The following PARD3B variants were observed in gnomAD, a reference collection of about 807,000 sequenced individuals.
PARD3B encodes the protein partitioning defective 3 homolog B.
PARD3B carries 103 observed loss-of-function variants against 130.2 expected under a neutral mutation model. That is an observed-to-expected ratio of 0.79 (90% CI 0.67 to 0.93). The LOEUF (loss-of-function observed/expected upper bound fraction) is 0.93, where lower values mean the gene tolerates loss of function less well. PARD3B is among the 40% of genes least tolerant of loss of function. The pLI, the probability that PARD3B is intolerant of heterozygous loss-of-function variation, is 0.00. For synonymous variants in PARD3B, 583 were observed against 553.2 expected (o/e 1.05, Z -0.76); for missense variants, 1,609 against 1,499.2 (o/e 1.07, Z -1.21).
At chr2:205,290,884 A>G (rs2105872350) in intron 16 of PARD3B, among the ~76,000 whole-genome samples, 1 of 152,286 alleles carries the variant, frequency 6.6e-6, no homozygotes, top group African/African-American at 2.4e-5. Flanking sequence ...GAATGTGGCA[A>G]GAAGATGGCC....
intron 2 of PARD3B, among the ~76,000 whole-genome samples, chr2:204,794,901 G>A (rs1319566437): frequency 6.6e-6 from 1 of 152,036 alleles, no homozygotes; most frequent in Non-Finnish European, 1.5e-5. Flanking sequence ...CCTCTCTCTA[G>A]ATAATTTATT....
intron 22 of PARD3B, among the ~76,000 whole-genome samples, chr2:205,615,154 A>G (rs748281792): frequency 1.3e-5 from 2 of 152,186 alleles, no homozygotes; most frequent in Non-Finnish European, 2.9e-5. Flanking sequence ...AGCAATCCTG[A>G]TTGACATGGT....
At chr2:204,705,291 G>A (rs1165976597) in intron 2 of PARD3B, among the ~76,000 whole-genome samples, 1 of 152,126 alleles carries the variant, frequency 6.6e-6, no homozygotes, top group Non-Finnish European at 1.5e-5. Context: ...ATTCTTGTGG[G>A]GAAAGGAGAC....
chr2:205,354,932 T>G (rs1238130784), intron 18 of PARD3B, among the ~76,000 whole-genome samples: 1 of 152,152 alleles, frequency 6.6e-6, no homozygotes, highest in African/African-American at 2.4e-5. Context: ...AGAACATGGT[T>G]AAGAAATGAT....
At chr2:205,361,128 C>T (rs980279649) in intron 18 of PARD3B, among the ~76,000 whole-genome samples, 5 of 152,098 alleles carry the variant, frequency 3.3e-5, no homozygotes, top group African/African-American at 1.2e-4. Flanking sequence ...TTGGAGGAGA[C>T]TAATGCGTAA....
chr2:205,252,127 A>G (rs912150084), intron 16 of PARD3B, among the ~76,000 whole-genome samples: 1 of 152,226 alleles, frequency 6.6e-6, no homozygotes, highest in Admixed American at 6.5e-5. Context: ...AAACAAATAT[A>G]TCAGTCTTTT....
intron 2 of PARD3B, among the ~76,000 whole-genome samples, chr2:204,865,358 G>C (rs1441022588): frequency 6.6e-6 from 1 of 152,156 alleles, no homozygotes; most frequent in African/African-American, 2.4e-5. Flanking sequence ...GGAAAATATG[G>C]AGCCAGTCCA....
chr2:205,077,081 A>G (rs1020763495), intron 4 of PARD3B, among the ~76,000 whole-genome samples: 6 of 152,118 alleles, frequency 3.9e-5, no homozygotes, highest in African/African-American at 1.4e-4. Context: ...CCAATCACAC[A>G]TCGTTTGCTT....
intron 21 of PARD3B, among the ~76,000 whole-genome samples, chr2:205,524,628 G>T (rs2051253676): frequency 6.6e-6 from 1 of 152,136 alleles, no homozygotes; most frequent in Admixed American, 6.5e-5. Flanking sequence ...CTATCTTTTA[G>T]ATTTTTTCCG....
chr2:205,128,293 T>TG lies in PARD3B; in HGVS notation c.1434+2556_1434+2557insG, dbSNP rs2031656441. Among the ~76,000 whole-genome samples the TG allele has an allele frequency of 6.6e-6, 1 of 152,224 alleles. No individual in the cohort carries two copies. The highest frequency in any genetic ancestry group is 1.5e-5 in the Non-Finnish European group (1 of 68,034). ...GCAGTTTCTGTCTAGTAGTTCCTTA[T>TG]ACCTTTCTCCCATATGTCCTCTGGA... On this transcript the variant is annotated intron_variant, in intron 10 of 22. Transcript: ENST00000406610. This position sits in a 1 kb window ranked among gnomAD's most constrained non-coding sequence, Gnocchi z 4.5.
intron 2 of PARD3B, among the ~76,000 whole-genome samples, chr2:204,704,187 C>G (rs1230386012): frequency 6.6e-6 from 1 of 152,128 alleles, no homozygotes. Flanking sequence ...CACTATTCAT[C>G]TCCAGAACTT....
intron 2 of PARD3B, among the ~76,000 whole-genome samples, chr2:204,867,317 T>C (rs1158888930): frequency 6.6e-6 from 1 of 152,196 alleles, no homozygotes; most frequent in Non-Finnish European, 1.5e-5. Flanking sequence ...TCTGGTTTGT[T>C]ATACCTCTCA....
rs1055401323 is a variant in PARD3B, at chr2:204,943,643, T to C, written c.223-21509T>C. Among the ~76,000 whole-genome samples the C allele has an allele frequency of 6.6e-5, 10 of 152,200 alleles. No homozygotes were observed. Among genetic ancestry groups the C allele is most frequent in the Non-Finnish European group, 1.5e-4 (10 of 68,026 alleles). ...CCAGTTTGGAATTTATTTTGTTTTA[T>C]TGTATTGGATTCCATATTAATAGAG... On this transcript the variant is annotated intron_variant, in intron 2 of 22. Transcript: ENST00000406610. This position sits in a 1 kb window ranked among gnomAD's most constrained non-coding sequence, Gnocchi z 4.2.
At position 205,366,855 on chromosome 2, in the gene PARD3B, G is replaced by A. The variant is rs1031907658; in HGVS notation, c.2631-34158G>A. 1.3e-5 allele frequency among the ~76,000 whole-genome samples: 2 copies of A among 152,198 alleles called. No homozygotes were observed. The highest frequency in any genetic ancestry group is 2.4e-5 in the African/African-American group (1 of 41,456). ...CTGGTGATGCTGTACCGCCACAGGT[G>A]TCAGCAGCAATAACTGGGCCTAGCT... is the stretch of plus-strand genomic sequence containing the variant. On this transcript the variant is annotated intron_variant, in intron 18 of 22. Transcript: ENST00000406610. The surrounding 1 kb of genome is among the most constrained non-coding windows in gnomAD (Gnocchi z 5.0).
At chr2:205,439,863 C>T (rs569271882) in intron 19 of PARD3B, among the ~76,000 whole-genome samples, 86 of 152,264 alleles carry the variant, frequency 5.6e-4, no homozygotes, top group African/African-American at 1.8e-3. Flanking sequence ...GACCAGAAAG[C>T]CTCTGTATTT....
intron 2 of PARD3B, among the ~76,000 whole-genome samples, chr2:204,814,160 G>A (rs1460743221): frequency 1.3e-5 from 2 of 151,852 alleles, no homozygotes; most frequent in African/African-American, 4.8e-5. Context: ...TGTTTTTAGT[G>A]TATAGATCTT....
At chr2:205,595,367 G>A (rs1055591075) in intron 22 of PARD3B, among the ~76,000 whole-genome samples, 2 of 152,144 alleles carry the variant, frequency 1.3e-5, no homozygotes, top group Non-Finnish European at 1.5e-5. Flanking sequence ...GCTGGCATGG[G>A]GCAAACGGTA....
At position 205,183,660 on chromosome 2, in the gene PARD3B, C is replaced by G. The variant is rs1369852707; in HGVS notation, c.1925-2104C>G. ...AACTACCTCCACATCAGTCTAGTGC[C>G]TGGGGCAGAGCTTGGAGCAAGTCCT... On this transcript the variant is annotated intron_variant, in intron 13 of 22. Coordinates refer to ENST00000406610, the MANE Select transcript of PARD3B (RefSeq NM_001302769.2). The surrounding 1 kb of genome is among the most constrained non-coding windows in gnomAD (Gnocchi z 5.2). Among the ~76,000 whole-genome samples, 1 of 151,596 alleles carries G rather than the reference C, an allele frequency of 6.6e-6. No individual in the cohort carries two copies. The highest frequency in any genetic ancestry group is 1.5e-5 in the Non-Finnish European group (1 of 67,960).
chr2:204,796,409 G>A (rs73982525), intron 2 of PARD3B, among the ~76,000 whole-genome samples: 1,933 of 152,180 alleles, frequency 0.013, 45 homozygotes, highest in African/African-American at 0.045. Flanking sequence ...CAGAAAGCTC[G>A]CAGTCCTCCA....
Sources: gnomAD v4.1 joint callset for allele counts (sites outside exome capture counted in the v4.1 genomes callset) on GRCh38, gnomAD v4.1.1 for gene constraint, Gnocchi (gnomAD v3.1) non-coding constraint, MANE v1.5 for transcripts, NCBI Gene and HGNC (gene_info 2026-07-23, HGNC 2026-07-21) for gene names.